VPS13B: variants seen among roughly 807,000 people sequenced by gnomAD.
VPS13B encodes intermembrane lipid transfer protein VPS13B.
Under a neutral mutation model 426.4 loss-of-function variants are expected in VPS13B, and 285 were observed. The ratio of observed to expected loss-of-function variants is 0.67; its 90% CI spans 0.61 to 0.74. The LOEUF is 0.74. Ranked by LOEUF, VPS13B falls within the 30% of genes least tolerant of loss-of-function variation. VPS13B has a pLI of 0.00. For missense variants in VPS13B, 4,537 were observed against 4,782.6 expected, an observed-to-expected ratio of 0.95 and a Z score of 1.51; for synonymous variants, 1,676 against 1,676.4, an observed-to-expected ratio of 1.00 and a Z score of 0.01.
intron 40 of VPS13B, among the ~76,000 whole-genome samples, chr8:99,767,699 C>A (rs753781174): frequency 1.2e-4 from 18 of 152,160 alleles, no homozygotes; most frequent in African/African-American, 3.9e-4. Context: ...AAGGCTAAGG[C>A]GGGTAGACTG....
At position 99,493,063 on chromosome 8, in the gene VPS13B, T is replaced by A. The variant is rs555141729; in HGVS notation, c.3871-8624T>A. Among the ~76,000 whole-genome samples the A allele has an allele frequency of 2.6e-5, 4 of 152,348 alleles. No homozygotes were observed. The South Asian group carries it at 8.3e-4, about 32-fold the overall frequency. ...TTTATTCTCTTAATGTGACTAATTA[T>A]ATCGATTGATTTTCACATGTTCAAC... On this transcript the variant is annotated intron_variant, in intron 25 of 61. Transcript: ENST00000357162.
intron 14 of VPS13B, among the ~76,000 whole-genome samples, chr8:99,153,304 T>C (rs1811173947): frequency 6.6e-6 from 1 of 152,260 alleles, no homozygotes; most frequent in Non-Finnish European, 1.5e-5. Flanking sequence ...TATGAAGTTA[T>C]TATTGATATA....
At chr8:99,233,444 C>T (rs1816463108) in intron 17 of VPS13B, 6 of 1,303,114 alleles carry the variant, frequency 4.6e-6, no homozygotes, top group South Asian at 2.4e-5. Flanking sequence ...CCTTTCTTCC[C>T]GATGATGGTA....
At chr8:99,231,019 A>G (rs997974806) in intron 17 of VPS13B, among the ~76,000 whole-genome samples, 2 of 152,170 alleles carry the variant, frequency 1.3e-5, no homozygotes, top group African/African-American at 4.8e-5. Flanking sequence ...CTTTTTGTTA[A>G]TGTTTCAGTG....
At chr8:99,558,253 T>C (rs1300035090) in intron 31 of VPS13B, among the ~76,000 whole-genome samples, 1 of 152,142 alleles carries the variant, frequency 6.6e-6, no homozygotes, top group African/African-American at 2.4e-5. Flanking sequence ...CTACAAAAGA[T>C]AAATAATGTA....
intron 36 of VPS13B, among the ~76,000 whole-genome samples, chr8:99,706,538 G>C (rs1327923567): frequency 1.3e-5 from 2 of 152,116 alleles, no homozygotes; most frequent in Non-Finnish European, 2.9e-5. Flanking sequence ...AGTCATTATA[G>C]TCTTCCATGT....
intron 34 of VPS13B, among the ~76,000 whole-genome samples, chr8:99,660,167 G>T (rs1046511014): frequency 6.6e-6 from 1 of 152,162 alleles, no homozygotes; most frequent in Admixed American, 6.6e-5. Context: ...TAGATCTAAC[G>T]TCATGATCAA....
intron 39 of VPS13B, among the ~76,000 whole-genome samples, chr8:99,749,144 A>G (rs183390876): frequency 4.6e-5 from 7 of 152,178 alleles, no homozygotes; most frequent in Non-Finnish European, 1.5e-5. Context: ...GAGGTAAATG[A>G]GATATTTTGA....
At chr8:99,044,123 G>A (rs1332437794) in intron 3 of VPS13B, among the ~76,000 whole-genome samples, 3 of 96,994 alleles carry the variant, frequency 3.1e-5, no homozygotes, top group East Asian at 3.4e-4. Context: ...CTGCTCTGTT[G>A]CCCAGGCTGG....
intron 42 of VPS13B, 93 bp downstream of exon 42, chr8:99,779,124 A>C: frequency 8.2e-7 from 1 of 1,219,386 alleles, no homozygotes; most frequent in Non-Finnish European, 1.2e-6. Flanking sequence ...GTTCAACACA[A>C]ACAAAAATGT....
chr8:99,098,473 T>C (rs1242296800), intron 4 of VPS13B, among the ~76,000 whole-genome samples: 6 of 152,202 alleles, frequency 3.9e-5, no homozygotes, highest in African/African-American at 1.2e-4. Flanking sequence ...ATCAGTGGCA[T>C]ACAATCCTGT....
chr8:99,019,096 A>T (rs1841758752), intron 2 of VPS13B, among the ~76,000 whole-genome samples: 1 of 151,308 alleles, frequency 6.6e-6, no homozygotes, highest in Non-Finnish European at 1.5e-5. Flanking sequence ...TTTATTTGTG[A>T]GGTATTCCCT....
chr8:99,618,727 C>T (rs1480113022), intron 33 of VPS13B, among the ~76,000 whole-genome samples: 1 of 152,172 alleles, frequency 6.6e-6, no homozygotes, highest in African/African-American at 2.4e-5. Flanking sequence ...CTTCATTCGC[C>T]TCTGAATATA....
chr8:99,243,247 A>G (rs970900745), intron 17 of VPS13B, among the ~76,000 whole-genome samples: 2 of 152,246 alleles, frequency 1.3e-5, no homozygotes, highest in African/African-American at 4.8e-5. Flanking sequence ...AGTATGGTAT[A>G]GCTGAATGAA....
chr8:99,707,443 C>G (rs547939684), intron 36 of VPS13B, among the ~76,000 whole-genome samples: 1 of 152,246 alleles, frequency 6.6e-6, no homozygotes, highest in Non-Finnish European at 1.5e-5. Context: ...ATATGGAGGT[C>G]ATAGATTACT....
At chr8:99,497,781 A>G (rs1376168206) in intron 25 of VPS13B, among the ~76,000 whole-genome samples, 1 of 152,126 alleles carries the variant, frequency 6.6e-6, no homozygotes, top group Non-Finnish European at 1.5e-5. Context: ...CCGTTTAGAT[A>G]GTATATTTAG....
intron 30 of VPS13B, among the ~76,000 whole-genome samples, chr8:99,530,506 T>G (rs570113008): frequency 7.3e-5 from 11 of 150,752 alleles, no homozygotes; most frequent in Non-Finnish European, 1.5e-4. Context: ...TCCAGCTACT[T>G]GGGAGGCTGA....
At chr8:99,082,494 T>C (rs1845541026) in intron 3 of VPS13B, among the ~76,000 whole-genome samples, 1 of 152,238 alleles carries the variant, frequency 6.6e-6, no homozygotes, top group Non-Finnish European at 1.5e-5. Context: ...ATTTTGGCTT[T>C]TGTTGCCATT....
intron 17 of VPS13B, chr8:99,233,578 A>T: frequency 8.2e-7 from 1 of 1,215,920 alleles, no homozygotes; most frequent in Non-Finnish European, 1.2e-6. Context: ...AGTGGGTATT[A>T]ACAGCCAGCA....
Sources: gnomAD v4.1 joint callset for allele counts (sites outside exome capture counted in the v4.1 genomes callset) on GRCh38, gnomAD v4.1.1 for gene constraint, MANE v1.5 for transcripts, NCBI Gene and HGNC (gene_info 2026-07-23, HGNC 2026-07-21) for gene names.